SOX6: variants seen among roughly 807,000 people sequenced by gnomAD.
SOX6 encodes the protein SRY-box transcription factor 6.
SOX6 carries 11 observed loss-of-function variants against 97.8 expected under a neutral mutation model. The observed-to-expected ratio is 0.11, with a 90% CI of 0.07 to 0.19. The LOEUF (loss-of-function observed/expected upper bound fraction) is 0.19. SOX6 is among the 10% of genes least tolerant of loss of function. The pLI, the probability that SOX6 is intolerant of heterozygous loss-of-function variation, is 1.00. For synonymous variants in SOX6, 360 were observed against 371.4 expected (o/e 0.97, Z 0.35); for missense variants, 810 against 1,039.5 (o/e 0.78, Z 3.04).
intron 4 of SOX6, among the ~76,000 whole-genome samples, chr11:16,195,848 G>A (rs1467769073): frequency 1.3e-5 from 2 of 152,172 alleles, no homozygotes; most frequent in African/African-American, 2.4e-5. Context: ...ATTTGCAGGA[G>A]TCCAGTGTCC....
intron 7 of SOX6, among the ~76,000 whole-genome samples, chr11:16,104,411 T>C (rs193179645): frequency 6.6e-6 from 1 of 152,160 alleles, no homozygotes; most frequent in East Asian, 1.9e-4. Flanking sequence ...CCCAAGAGTA[T>C]GAAGTGTCAA....
At chr11:16,172,885 T>G (rs1468797406) in intron 6 of SOX6, among the ~76,000 whole-genome samples, 2 of 151,976 alleles carry the variant, frequency 1.3e-5, no homozygotes, top group East Asian at 3.9e-4. Context: ...CATCTTTCTG[T>G]CATTGTTCTA....
At chr11:16,297,840 T>C (rs11023905) in intron 3 of SOX6, among the ~76,000 whole-genome samples, 14,663 of 152,192 alleles carry the variant, frequency 0.096, 766 homozygotes, top group Non-Finnish European at 0.11. Flanking sequence ...GCCTCAGGGA[T>C]TCCCAGGCTG....
At chr11:16,391,897 C>T (rs960859406) in intron 1 of SOX6, among the ~76,000 whole-genome samples, 1 of 151,544 alleles carries the variant, frequency 6.6e-6, no homozygotes, top group South Asian at 2.1e-4. Context: ...TTAAAAGACA[C>T]CAGGTTTTGC....
intron 3 of SOX6, among the ~76,000 whole-genome samples, chr11:16,303,218 T>C (rs1470257923): frequency 6.6e-6 from 1 of 152,192 alleles, no homozygotes; most frequent in Admixed American, 6.5e-5. Flanking sequence ...TTAATCATAA[T>C]ATTATTTATC....
At chr11:16,353,009 T>G (rs1856988162) in intron 1 of SOX6, among the ~76,000 whole-genome samples, 1 of 152,100 alleles carries the variant, frequency 6.6e-6, no homozygotes, top group Non-Finnish European at 1.5e-5. Flanking sequence ...TTGTTAACTA[T>G]CCATGCTTTT....
chr11:16,147,658 A>C (rs1166507206), intron 6 of SOX6, among the ~76,000 whole-genome samples: 1 of 152,142 alleles, frequency 6.6e-6, no homozygotes, highest in East Asian at 1.9e-4. Flanking sequence ...CTTTCTCCCC[A>C]AATGCAAACT....
intron 3 of SOX6, among the ~76,000 whole-genome samples, chr11:16,695,310 C>A (rs1848045575): frequency 6.6e-6 from 1 of 152,144 alleles, no homozygotes; most frequent in South Asian, 2.1e-4. Flanking sequence ...AAATAAAATT[C>A]TATCCAACAC....
chr11:16,170,132 T>A (rs1195288077), intron 6 of SOX6, among the ~76,000 whole-genome samples: 4 of 152,072 alleles, frequency 2.6e-5, no homozygotes, highest in Non-Finnish European at 5.9e-5. Context: ...AATTAAGCCC[T>A]CATTTAACAG....
intron 13 of SOX6, among the ~76,000 whole-genome samples, chr11:16,001,552 T>A (rs1407134294): frequency 6.6e-6 from 1 of 152,142 alleles, no homozygotes; most frequent in East Asian, 1.9e-4. Flanking sequence ...TATTCGGCAA[T>A]CTGAAATAAC....
chr11:16,720,984 A>G (rs1241799596), intron 2 of SOX6, among the ~76,000 whole-genome samples: 1 of 152,050 alleles, frequency 6.6e-6, no homozygotes, highest in Non-Finnish European at 1.5e-5. Context: ...TACTGAGGAG[A>G]CCCCCAACTC....
intron 4 of SOX6, chr11:16,484,015 C>G: frequency 1.2e-6 from 1 of 823,408 alleles, no homozygotes; most frequent in South Asian, 1.3e-5. Context: ...GCAAGGTCCT[C>G]GGGCTTGGCC....
intron 12 of SOX6, among the ~76,000 whole-genome samples, chr11:16,041,389 T>C (rs1855658735): frequency 6.6e-6 from 1 of 152,086 alleles, no homozygotes; most frequent in Admixed American, 6.6e-5. Context: ...GTTTTTCTTT[T>C]CCAATAAAAG....
At chr11:16,575,391 A>G (rs527719972) in intron 4 of SOX6, among the ~76,000 whole-genome samples, 8 of 152,312 alleles carry the variant, frequency 5.3e-5, no homozygotes, top group South Asian at 2.1e-4. Flanking sequence ...CCATTCCTGC[A>G]TATATAGCCT....
chr11:16,184,919 T>A (rs1348449268), intron 5 of SOX6, among the ~76,000 whole-genome samples: 1 of 152,152 alleles, frequency 6.6e-6, no homozygotes, highest in African/African-American at 2.4e-5. Context: ...TGTTTAGTAG[T>A]GCCTTTTTGT....
In SOX6 at chr11:15,972,764, G is replaced by T. The variant is rs200864065; in HGVS notation, c.*45C>A. On this transcript the variant is annotated 3_prime_UTR_variant, in exon 16 of 16. Coordinates refer to ENST00000683767, the MANE Select transcript of SOX6 (RefSeq NM_001367873.1). ...TCTTTAATAACTCTTTGTTGGGGAG[G>T]GGGGTGAAATGTCAGAGTACTTTAA... 1.9e-5 allele frequency: 30 copies of T among 1,600,284 alleles called. No individual in the cohort carries two copies. The highest frequency in any genetic ancestry group is 4.0e-5 in the African/African-American group (3 of 74,780).
chr11:16,173,996 C>G (rs1174228518), intron 6 of SOX6, among the ~76,000 whole-genome samples: 1 of 151,048 alleles, frequency 6.6e-6, no homozygotes, highest in Non-Finnish European at 1.5e-5. Flanking sequence ...CAGATGCATG[C>G]CATCACACCC....
intron 1 of SOX6, among the ~76,000 whole-genome samples, chr11:16,737,342 G>C (rs1307755646): frequency 6.6e-6 from 1 of 152,126 alleles, no homozygotes; most frequent in Non-Finnish European, 1.5e-5. Flanking sequence ...GAGTAGCTGG[G>C]ATTAGAGGCA....
At chr11:16,231,665 A>C (rs1408806627) in intron 4 of SOX6, among the ~76,000 whole-genome samples, 1 of 151,840 alleles carries the variant, frequency 6.6e-6, no homozygotes, top group African/African-American at 2.4e-5. Context: ...ATAAGTTGAT[A>C]AGTCTTAATA....
Sources: gnomAD v4.1 joint callset for allele counts (sites outside exome capture counted in the v4.1 genomes callset) on GRCh38, gnomAD v4.1.1 for gene constraint, MANE v1.5 for transcripts, NCBI Gene and HGNC (gene_info 2026-07-23, HGNC 2026-07-21) for gene names.